The following LIPH variants were observed in gnomAD, a reference collection of about 807,000 sequenced individuals.
LIPH encodes lipase H, also known as lipase member H.
A neutral mutation model predicts 47.6 loss-of-function variants in LIPH; 32 were observed. The observed-to-expected ratio is 0.67, with a 90% CI of 0.51 to 0.90. LIPH has a LOEUF of 0.90. LIPH is among the 40% of genes least tolerant of loss of function. The probability of loss-of-function intolerance (pLI) is 0.00; values close to 1 mark genes in which losing one functional copy is unlikely to be tolerated. For missense variants in LIPH, 497 were observed against 541.4 expected (o/e 0.92, Z 0.81); for synonymous variants, 190 against 195.6 (o/e 0.97, Z 0.24).
At chr3:185,539,066 G>A (rs1435264922) in intron 1 of LIPH, among the ~76,000 whole-genome samples, 2 of 151,522 alleles carry the variant, frequency 1.3e-5, no homozygotes, top group African/African-American at 4.8e-5. Context: ...CACCTCCCAG[G>A]TTCAAGTGAT....
chr3:185,546,096 G>A (rs1288121895), intron 1 of LIPH, among the ~76,000 whole-genome samples: 4 of 151,726 alleles, frequency 2.6e-5, no homozygotes, highest in Non-Finnish European at 4.4e-5. Flanking sequence ...AACCCAGGAG[G>A]CAGAGTTTGC....
intron 7 of LIPH, among the ~76,000 whole-genome samples, chr3:185,516,363 G>A (rs947374783): frequency 6.6e-6 from 1 of 152,162 alleles, no homozygotes; most frequent in Non-Finnish European, 1.5e-5. Context: ...AACCCAGGAG[G>A]CAGAGATTGC....
intron 7 of LIPH, among the ~76,000 whole-genome samples, chr3:185,515,832 C>T (rs917612632): frequency 6.6e-6 from 1 of 152,156 alleles, no homozygotes; most frequent in Non-Finnish European, 1.5e-5. Context: ...TGCTTAGCCT[C>T]CAGGCTCTTT....
intron 4 of LIPH, among the ~76,000 whole-genome samples, chr3:185,527,115 T>C (rs1177856439): frequency 6.6e-6 from 1 of 152,116 alleles, no homozygotes; most frequent in Non-Finnish European, 1.5e-5. Context: ...GGCGTGTGCC[T>C]ATAATCCCAG....
At chr3:185,509,946 C>CTTTTTTTTT (rs66966684) in intron 9 of LIPH, among the ~76,000 whole-genome samples, 1 of 118,454 alleles carries the variant, frequency 8.4e-6, no homozygotes. Context: ...TTTTTGTTTT[C>CTTTTTTTTT]TTTTTTTTTT....
At chr3:185,513,792 G>T (rs993380679) in intron 8 of LIPH, among the ~76,000 whole-genome samples, 4 of 152,200 alleles carry the variant, frequency 2.6e-5, no homozygotes, top group Admixed American at 1.3e-4. Context: ...TGTAATCCCA[G>T]CACTTTGGGA....
intron 1 of LIPH, among the ~76,000 whole-genome samples, chr3:185,547,923 T>C (rs572131477): frequency 5.9e-5 from 9 of 152,146 alleles, no homozygotes; most frequent in African/African-American, 1.7e-4. Context: ...TGCTTGGCAA[T>C]GGATGTTACT....
intron 3 of LIPH, among the ~76,000 whole-genome samples, chr3:185,532,318 C>T (rs1720355540): frequency 6.6e-6 from 1 of 151,872 alleles, no homozygotes; most frequent in Non-Finnish European, 1.5e-5. Flanking sequence ...TCAAGACCAG[C>T]CTGGGCAACA....
chr3:185,529,051 C>T (rs986045152), intron 3 of LIPH, among the ~76,000 whole-genome samples: 1 of 149,300 alleles, frequency 6.7e-6, no homozygotes, highest in Non-Finnish European at 1.5e-5. Context: ...GTGGCACGTG[C>T]CTGTAGTCCC....
intron 1 of LIPH, among the ~76,000 whole-genome samples, chr3:185,548,106 G>A (rs545902561): frequency 5.0e-4 from 76 of 152,114 alleles, no homozygotes; most frequent in South Asian, 4.1e-3. Context: ...TGCCTTCCTC[G>A]TATTAGAAAA....
At chr3:185,542,192 G>A (rs976286058) in intron 1 of LIPH, among the ~76,000 whole-genome samples, 1 of 152,156 alleles carries the variant, frequency 6.6e-6, no homozygotes, top group African/African-American at 2.4e-5. Context: ...CTCAGCTGAG[G>A]TCAGAGAGAG....
At chr3:185,516,120 C>A (rs1055775772) in intron 7 of LIPH, among the ~76,000 whole-genome samples, 1 of 151,832 alleles carries the variant, frequency 6.6e-6, no homozygotes, top group Admixed American at 6.6e-5. Context: ...GGTGACAGAA[C>A]AAGACCCTGT....
chr3:185,514,195 G>A (rs1446963654), intron 8 of LIPH, among the ~76,000 whole-genome samples: 1 of 151,860 alleles, frequency 6.6e-6, no homozygotes, highest in Admixed American at 6.6e-5. Context: ...AAGAAGAGAA[G>A]GAGGGAAGGA....
At chr3:185,537,115 C>T (rs1720525957) in intron 1 of LIPH, among the ~76,000 whole-genome samples, 1 of 152,206 alleles carries the variant, frequency 6.6e-6, no homozygotes, top group Non-Finnish European at 1.5e-5. Flanking sequence ...GAACTCCTGA[C>T]CTCGGGTGAT....
chr3:185,533,502 C>G (rs1433263492), intron 3 of LIPH, 69 bp downstream of exon 3: 2 of 999,034 alleles, frequency 2.0e-6, no homozygotes, highest in African/African-American at 1.6e-5. Context: ...GTTGGATTGG[C>G]CTACATAATA....
At chr3:185,538,820 CACATAT>C (rs1455185971) in intron 1 of LIPH, among the ~76,000 whole-genome samples, 78 of 12,332 alleles carry the variant, frequency 6.3e-3, no homozygotes, top group Non-Finnish European at 0.01. Flanking sequence ...CATATATACA[CACATAT>C]ACATATATAC....
intron 5 of LIPH, among the ~76,000 whole-genome samples, chr3:185,523,855 TG>T (rs764576814): frequency 3.3e-5 from 5 of 152,226 alleles, no homozygotes; most frequent in Non-Finnish European, 7.4e-5. Context: ...CCCGAGTAGC[TG>T]GGACTACAGG....
intron 5 of LIPH, among the ~76,000 whole-genome samples, chr3:185,519,785 C>T (rs1215908713): frequency 3.3e-5 from 4 of 119,872 alleles, no homozygotes; most frequent in Non-Finnish European, 4.8e-5. Context: ...TGCAGTGAGC[C>T]GAGATTGTGC....
chr3:185,506,636 A>G lies in LIPH; in HGVS notation c.*2154T>C, dbSNP rs1021920521. The G allele has an allele frequency of 6.6e-5, 10 of 152,168 alleles. No individual in the cohort carries two copies. The highest frequency in any genetic ancestry group is 1.9e-4 in the East Asian group (1 of 5,186). The allele number at this position is 152,168 out of a possible 1,614,324, so 9.4% of individuals were successfully genotyped here. ...AAGGCCAGTGGATCACAAGGTCAGG[A>G]GTTCAAGGCCAAGATGGTGAAACCA... On this transcript the variant is annotated 3_prime_UTR_variant, in exon 10 of 10. Transcript: ENST00000296252.
Sources: gnomAD v4.1 joint callset for allele counts (sites outside exome capture counted in the v4.1 genomes callset) on GRCh38, gnomAD v4.1.1 for gene constraint, MANE v1.5 for transcripts, NCBI Gene and HGNC (gene_info 2026-07-23, HGNC 2026-07-21) for gene names.